MEGF11: variants seen among roughly 807,000 people sequenced by gnomAD.
MEGF11 encodes multiple epidermal growth factor-like domains protein 11.
Under a neutral mutation model 146.6 loss-of-function variants are expected in MEGF11, and 126 were observed. That is an observed-to-expected ratio of 0.86 (90% CI 0.74 to 1.00). MEGF11 has a LOEUF of 1.00. Ranked by LOEUF, MEGF11 falls within the 50% of genes least tolerant of loss-of-function variation. MEGF11 has a pLI of 0.00. For synonymous variants in MEGF11, 532 were observed against 583.4 expected (o/e 0.91, Z 1.27); for missense variants, 1,509 against 1,521.2 (o/e 0.99, Z 0.13).
At chr15:66,211,648 C>T (rs1027451998) in intron 1 of MEGF11, among the ~76,000 whole-genome samples, 4 of 151,850 alleles carry the variant, frequency 2.6e-5, no homozygotes, top group African/African-American at 9.7e-5. Context: ...GAAGCCAGCC[C>T]AGTCACACAG....
intron 1 of MEGF11, among the ~76,000 whole-genome samples, chr15:66,222,363 C>A (rs2091757989): frequency 6.6e-6 from 1 of 152,122 alleles, no homozygotes; most frequent in South Asian, 2.1e-4. Flanking sequence ...CTCAAAAGGC[C>A]TTTCCTCAAA....
chr15:65,940,185 G>A (rs1186901637), intron 10 of MEGF11, among the ~76,000 whole-genome samples: 1 of 152,178 alleles, frequency 6.6e-6, no homozygotes, highest in African/African-American at 2.4e-5. Context: ...AGTGGCTCTG[G>A]TTGCTTCTGT....
At chr15:66,170,515 CA>C (rs2090221015) in intron 1 of MEGF11, among the ~76,000 whole-genome samples, 1 of 152,232 alleles carries the variant, frequency 6.6e-6, no homozygotes, top group Non-Finnish European at 1.5e-5. Context: ...CCTGGCCTAT[CA>C]GGGCATGCCA....
intron 10 of MEGF11, among the ~76,000 whole-genome samples, chr15:65,945,620 T>C (rs545320247): frequency 2.0e-5 from 3 of 152,258 alleles, no homozygotes; most frequent in Admixed American, 2.0e-4. Flanking sequence ...ATGGTGTTTA[T>C]TATGAGTGTT....
At chr15:66,145,390 A>C (rs2089330722) in intron 1 of MEGF11, among the ~76,000 whole-genome samples, 1 of 152,160 alleles carries the variant, frequency 6.6e-6, no homozygotes, top group Non-Finnish European at 1.5e-5. Context: ...GCCACTTACA[A>C]AGTGGCCATA....
chr15:66,045,385 G>T (rs2084164014), intron 5 of MEGF11, among the ~76,000 whole-genome samples: 1 of 152,210 alleles, frequency 6.6e-6, no homozygotes, highest in Non-Finnish European at 1.5e-5. Context: ...TGGGGAGTCT[G>T]CTGCTGCCTG....
intron 1 of MEGF11, among the ~76,000 whole-genome samples, chr15:66,195,463 C>T (rs1460830209): frequency 6.6e-6 from 1 of 152,196 alleles, no homozygotes; most frequent in East Asian, 1.9e-4. Flanking sequence ...CCCCCACAAG[C>T]AAACCTAAGA....
intron 5 of MEGF11, 52 bp downstream of exon 5, chr15:66,094,350 C>G: frequency 1.4e-6 from 2 of 1,467,918 alleles, no homozygotes; most frequent in African/African-American, 1.4e-5. Flanking sequence ...CAACCCACTC[C>G]CCTACCAAGT....
rs181280774 is a variant in MEGF11 at position 66,237,401 on chromosome 15, A to G, written c.-9+16204T>C. Reference sequence around the variant, plus strand: ...TGGTCTCACCATTTCACCTCCAAATAAGGACGTCAGCAGCATGTTTTAGTG... The same window carrying G: ...TGGTCTCACCATTTCACCTCCAAATGAGGACGTCAGCAGCATGTTTTAGTG... On this transcript the variant is annotated intron_variant, in intron 1 of 25. Transcript: ENST00000395614. Among the ~76,000 whole-genome samples, 32 of 152,276 alleles carry G rather than the reference A, an allele frequency of 2.1e-4. No individual in the cohort carries two copies. In the East Asian group the frequency reaches 5.8e-3, roughly 28 times the overall value.
intron 4 of MEGF11, among the ~76,000 whole-genome samples, chr15:66,108,901 C>G (rs2087238811): frequency 6.6e-6 from 1 of 152,186 alleles, no homozygotes; most frequent in Non-Finnish European, 1.5e-5. Flanking sequence ...CCCAGGAAAA[C>G]CCAGGAAGAG....
At chr15:65,944,747 A>T (rs943705097) in intron 10 of MEGF11, among the ~76,000 whole-genome samples, 10 of 152,150 alleles carry the variant, frequency 6.6e-5, no homozygotes, top group African/African-American at 2.4e-4. Flanking sequence ...AAACAATTAT[A>T]GGCTGAATGC....
chr15:65,969,052 G>T (rs1371593933), intron 8 of MEGF11, among the ~76,000 whole-genome samples: 3 of 152,184 alleles, frequency 2.0e-5, no homozygotes, highest in African/African-American at 7.2e-5. Flanking sequence ...GGCAAAGCTT[G>T]CTGGAGGGCC....
intron 1 of MEGF11, among the ~76,000 whole-genome samples, chr15:66,130,178 C>G (rs528820149): frequency 6.6e-6 from 1 of 152,120 alleles, no homozygotes; most frequent in African/African-American, 2.4e-5. Context: ...CAACCTAGAG[C>G]AGAGAAAGAG....
intron 4 of MEGF11, among the ~76,000 whole-genome samples, chr15:66,096,840 T>C (rs1007565513): frequency 6.6e-6 from 1 of 152,148 alleles, no homozygotes; most frequent in Non-Finnish European, 1.5e-5. Flanking sequence ...CTTCCGGTGC[T>C]CTGAGCAAGC....
In MEGF11 at chr15:65,987,621, C is replaced by T. The variant is rs1209898077; in HGVS notation, c.395-5133G>A. 3.3e-5 allele frequency among the ~76,000 whole-genome samples: 5 copies of T among 152,264 alleles called. No individual in the cohort carries two copies. In the East Asian group the frequency reaches 9.6e-4, roughly 29 times the overall value. ...CACTATTTCCAAACTTTTCCATCAC[C>T]CCAAATATAAAAACTCTGTAGCCAT... On this transcript the variant is annotated intron_variant, in intron 5 of 25. Coordinates refer to ENST00000395614, the MANE Select transcript of MEGF11 (RefSeq NM_001385028.1).
intron 1 of MEGF11, among the ~76,000 whole-genome samples, chr15:66,201,946 C>CAAAAAAAA (rs71139471): frequency 3.1e-5 from 1 of 31,800 alleles, no homozygotes; most frequent in African/African-American, 1.4e-4. Context: ...GACTCCATCT[C>CAAAAAAAA]AAAAAAAAAA....
rs374772185 is a variant in MEGF11 at position 65,974,775 on chromosome 15, G to A, written c.763-4086C>T. ...ATAAGTTCTAGGTATTCAAAAGGGA[G>A]GAGAAGTCTTTCTGGCTTCTATCTG... On this transcript the variant is annotated intron_variant, in intron 7 of 25. Coordinates refer to ENST00000395614, the MANE Select transcript of MEGF11 (RefSeq NM_001385028.1). 8.5e-5 allele frequency among the ~76,000 whole-genome samples: 13 copies of A among 152,262 alleles called. No individual in the cohort carries two copies. The East Asian group carries it at 1.9e-3, about 23-fold the overall frequency.
chr15:65,980,786 C>A lies in MEGF11; in HGVS notation c.754G>T (p.Gly252Cys). 6.2e-7 allele frequency: 1 copy of A among 1,604,586 alleles called. No homozygotes were observed. Residue 252 changes from glycine (G) to cysteine (C), a missense_variant, in exon 7 of 26, where the codon GGC becomes TGC. By Grantham distance (159) the Gly-to-Cys change is radical. Transcript: ENST00000395614. ...HITGECACPP[G>C]WTGAVCAQPC... ...CCTTTGGGCCCACTTACCGTCCAGC[C>A]TGGGGGGCAGGCACACTCGCCAGTG...
At chr15:66,079,551 C>T (rs971092625) in intron 5 of MEGF11, among the ~76,000 whole-genome samples, 2 of 142,474 alleles carry the variant, frequency 1.4e-5, no homozygotes, top group Non-Finnish European at 3.0e-5. Flanking sequence ...CCCCCCCCAG[C>T]ACCCCCGCCA....
Sources: allele counts gnomAD v4.1 joint callset (sites outside exome capture counted in the v4.1 genomes callset), GRCh38; gene constraint gnomAD v4.1.1; transcripts MANE v1.5; gene names NCBI Gene and HGNC (gene_info 2026-07-23, HGNC 2026-07-21).